DAB2: variants seen among roughly 807,000 people sequenced by gnomAD.
DAB2 encodes DAB adaptor protein 2, also known as disabled homolog 2.
A neutral mutation model predicts 71.6 loss-of-function variants in DAB2; 28 were observed. The observed-to-expected ratio is 0.39, with a 90% CI of 0.29 to 0.54. The LOEUF (loss-of-function observed/expected upper bound fraction) is 0.54, where lower values mean the gene tolerates loss of function less well. Among genes scored for constraint, DAB2 ranks in the 20% least tolerant of loss-of-function variants. The pLI is 0.68. For missense variants in DAB2, 867 were observed against 928.8 expected (o/e 0.93, Z 0.86); for synonymous variants, 345 against 339.7 (o/e 1.02, Z -0.17).
Position 39,394,261 on chromosome 5 carries a change from T to G in DAB2, c.60A>C (p.Pro20=), listed in dbSNP as rs542563878. 2.4e-5 allele frequency: 38 copies of G among 1,614,186 alleles called. No homozygotes were observed. In the South Asian group the frequency reaches 4.1e-4, roughly 17 times the overall value. The part of the protein sequence containing the change: ...TNGQPDQQAA[P]KAPSKKEKKK... ...TTTTTTCCTTCTTTGAGGGTGCTTT[T>G]GGTGCGGCCTGTTGGTCGGGCTGAC... The change falls in exon 2 of 15, where the codon CCA becomes CCC. Residue 20 remains proline (P), a synonymous_variant. Transcript: ENST00000320816.
intron 1 of DAB2, among the ~76,000 whole-genome samples, chr5:39,395,558 G>T (rs1192224324): frequency 6.6e-6 from 1 of 152,222 alleles, no homozygotes; most frequent in Non-Finnish European, 1.5e-5. Context: ...GTTTACAGAT[G>T]TCAACATGTT....
At position 39,424,876 on chromosome 5, in the gene DAB2, A is replaced by G. The variant is rs956257884; in HGVS notation, c.-174T>C. 2.0e-5 allele frequency: 3 copies of G among 152,594 alleles called. No individual in the cohort carries two copies. Among genetic ancestry groups the G allele is most frequent in the African/African-American group, 7.2e-5 (3 of 41,440 alleles). The allele number at this position is 152,594 out of a possible 1,614,324, so 9.5% of individuals were successfully genotyped here. A position where few individuals can be genotyped will look rare whatever the true frequency, so the allele number is the denominator to read the frequency against. On this transcript the variant is annotated 5_prime_UTR_variant, in exon 1 of 15. Transcript: ENST00000320816. ...GAGCCTCCAGGCTACAGCGCAGCGG[A>G]TGCGGCGGGCCTCGCTTAAATAGCC... is the stretch of plus-strand genomic sequence containing the variant.
intron 1 of DAB2, among the ~76,000 whole-genome samples, chr5:39,398,965 A>G (rs1383709288): frequency 1.3e-5 from 2 of 152,190 alleles, no homozygotes; most frequent in African/African-American, 4.8e-5. Flanking sequence ...AACTTTTAGC[A>G]GGGTTTTTAA....
At chr5:39,375,697 C>T (rs1045618637) in intron 13 of DAB2, among the ~76,000 whole-genome samples, 1 of 152,016 alleles carries the variant, frequency 6.6e-6, no homozygotes, top group Non-Finnish European at 1.5e-5. Flanking sequence ...CCAGTCTGGC[C>T]AACATGGCGA....
intron 1 of DAB2, among the ~76,000 whole-genome samples, chr5:39,410,020 AG>A (rs1316758632): frequency 6.6e-6 from 1 of 152,198 alleles, no homozygotes; most frequent in African/African-American, 2.4e-5. Flanking sequence ...AGTTTATTCT[AG>A]GATTTATAGA....
chr5:39,401,520 TTCA>T (rs1755498619), intron 1 of DAB2, among the ~76,000 whole-genome samples: 1 of 152,290 alleles, frequency 6.6e-6, no homozygotes, highest in African/African-American at 2.4e-5. Context: ...CCACCCAGGA[TTCA>T]TCATTTCCTG....
chr5:39,419,120 T>C (rs1579930040), intron 1 of DAB2, among the ~76,000 whole-genome samples: 1 of 152,322 alleles, frequency 6.6e-6, no homozygotes, highest in East Asian at 1.9e-4. Flanking sequence ...ACATCAGGCA[T>C]TCTTAGGACT....
chr5:39,395,115 C>T (rs1467397032), intron 1 of DAB2, among the ~76,000 whole-genome samples: 2 of 152,158 alleles, frequency 1.3e-5, no homozygotes, highest in East Asian at 1.9e-4. Context: ...GCTCTCACAA[C>T]CTCTGCCCTA....
intron 2 of DAB2, 114 bp downstream of exon 2, chr5:39,394,116 A>G (rs754282040): frequency 1.2e-6 from 1 of 808,756 alleles, no homozygotes; most frequent in Middle Eastern, 2.3e-4. Flanking sequence ...CATGAGACTA[A>G]GCTGAGGTTG....
chr5:39,416,770 C>G (rs978310188), intron 1 of DAB2, among the ~76,000 whole-genome samples: 1 of 152,086 alleles, frequency 6.6e-6, no homozygotes, highest in African/African-American at 2.4e-5. Flanking sequence ...GAGCTCTTCT[C>G]TCAATTCAAT....
rs1053573364 is a variant in DAB2 at position 39,424,918 on chromosome 5, G to C, written c.-216C>G. On this transcript the variant is annotated 5_prime_UTR_variant, in exon 1 of 15. Transcript: ENST00000320816. ...TAAATAGCCGCCGGCCGGGAGCTTC[G>C]GAGCCGCGCGGCCACTCCCGGCGAG... 2.0e-5 allele frequency: 3 copies of C among 152,418 alleles called. No homozygotes were observed. The highest frequency in any genetic ancestry group is 6.5e-5 in the Admixed American group (1 of 15,272). 9.4% of individuals were successfully genotyped at this position (152,418 alleles called of 1,614,324 possible).
Position 39,382,820 on chromosome 5 carries a change from C to T in DAB2, c.1139G>A (p.Gly380Glu), listed in dbSNP as rs1755011282. The change falls in exon 10 of 15, where the codon GGG becomes GAG. Residue 380 changes from glycine (G) to glutamate (E), a missense_variant. Around this residue, in one of 2 missense-constraint regions of DAB2, gnomAD observed 740 missense variants for 734.3 expected, o/e 1.01. Transcript: ENST00000320816. ...GCCGTTCTGTTCTCTTTCAGATACC[C>T]CATTTTGAGTTCTCACTGCTGGCTG... Reference protein sequence around the residue: ...QTQPAVRTQNGVSEREQNGFS... With the variant: ...QTQPAVRTQNEVSEREQNGFS... 1 of 1,614,104 alleles carries T rather than the reference C, an allele frequency of 6.2e-7. No homozygotes were observed. The highest frequency in any genetic ancestry group is 8.5e-7 in the Non-Finnish European group (1 of 1,180,026).
rs185399114 is a variant in DAB2, at chr5:39,420,236, T to C, written c.-102+4568A>G. Among the ~76,000 whole-genome samples the C allele has an allele frequency of 2.0e-5, 3 of 152,350 alleles. No individual in the cohort carries two copies. In the East Asian group the frequency reaches 5.8e-4, roughly 29 times the overall value. On this transcript the variant is annotated intron_variant, in intron 1 of 14. Coordinates refer to ENST00000320816, the MANE Select transcript of DAB2 (RefSeq NM_001343.4). ...AATTAATTTGTCAAATGCAAACTTG[T>C]GTATGGCAGCTCATCTTTCATATAA...
Position 39,377,135 on chromosome 5 carries a change from G to T in DAB2, c.1652C>A (p.Ala551Asp). 2 of 1,614,184 alleles carry T rather than the reference G, an allele frequency of 1.2e-6. No homozygotes were observed. Among genetic ancestry groups the T allele is most frequent in the Non-Finnish European group, 8.5e-7 (1 of 1,180,020 alleles). The change falls in exon 12 of 15, where the codon GCT (alanine) becomes GAT (aspartate). Residue 551 changes from alanine to aspartate, a missense_variant. Around this residue, in one of 2 missense-constraint regions of DAB2, gnomAD observed 740 missense variants for 734.3 expected, o/e 1.01. Transcript: ENST00000320816. Reference protein sequence around the residue: ...SQPVIFGTSPAVSGWNQPSPF... With the variant: ...SQPVIFGTSPDVSGWNQPSPF... Reference sequence around the variant, plus strand: ...TGAAGGCTGGTTCCAACCTGAAACAGCTGGACTTGTACCAAAAATGACGGG... The same window carrying T: ...TGAAGGCTGGTTCCAACCTGAAACATCTGGACTTGTACCAAAAATGACGGG...
chr5:39,420,314 T>C (rs1755950500), intron 1 of DAB2, among the ~76,000 whole-genome samples: 1 of 152,182 alleles, frequency 6.6e-6, no homozygotes, highest in African/African-American at 2.4e-5. Flanking sequence ...TAGGTAGCAA[T>C]AGGGTAGTTT....
At chr5:39,411,198 A>ACCTT (rs1203482335) in intron 1 of DAB2, among the ~76,000 whole-genome samples, 4 of 152,156 alleles carry the variant, frequency 2.6e-5, no homozygotes, top group African/African-American at 9.7e-5. Context: ...GCCCTTTATG[A>ACCTT]AATACTCATA....
chr5:39,377,371 C>T lies in DAB2; in HGVS notation c.1505-89G>A, dbSNP rs147589574. 344 of 1,363,772 alleles carry T rather than the reference C, an allele frequency of 2.5e-4. 1 individual carries two copies. The African/African-American group carries it at 4.5e-3, about 18-fold the overall frequency. The allele number at this position is 1,363,772 out of a possible 1,614,324, so 84.5% of individuals were successfully genotyped here. ...GAGAGCACAACTCTCTGGAAAGCCT[C>T]TCCACAGCTAACACCTCCATTGAGC... On this transcript the variant is annotated intron_variant, in intron 11 of 14. Coordinates refer to ENST00000320816, the MANE Select transcript of DAB2 (RefSeq NM_001343.4).
chr5:39,400,089 C>G (rs1416341814), intron 1 of DAB2, among the ~76,000 whole-genome samples: 1 of 152,138 alleles, frequency 6.6e-6, no homozygotes, highest in Non-Finnish European at 1.5e-5. Context: ...AAAGGAATAA[C>G]TTGAGTTAAG....
chr5:39,399,625 G>T (rs1755451411), intron 1 of DAB2, among the ~76,000 whole-genome samples: 1 of 152,186 alleles, frequency 6.6e-6, no homozygotes, highest in Non-Finnish European at 1.5e-5. Context: ...CCTTCTGTGG[G>T]ACTAGCATCA....
Sources: gnomAD v4.1 joint callset for allele counts (sites outside exome capture counted in the v4.1 genomes callset) on GRCh38, gnomAD v4.1.1 for gene constraint, gnomAD v4.1.1 regional missense constraint, MANE v1.5 for transcripts, NCBI Gene and HGNC (gene_info 2026-07-23, HGNC 2026-07-21) for gene names.